Variants in SPOCK3 observed in about 807,000 individuals in gnomAD.
SPOCK3 encodes SPARC (osteonectin), cwcv and kazal like domains proteoglycan 3, also known as testican-3.
Under a neutral mutation model 56.6 loss-of-function variants are expected in SPOCK3, and 30 were observed. That is an observed-to-expected ratio of 0.53 (90% CI 0.40 to 0.72). SPOCK3 has a LOEUF of 0.72. SPOCK3 is among the 30% of genes least tolerant of loss of function. The pLI is 0.00. For missense variants in SPOCK3, 527 were observed against 530.0 expected (o/e 0.99, Z 0.06); for synonymous variants, 196 against 183.3 (o/e 1.07, Z -0.56).
chr4:166,896,993 C>T (rs112439425), intron 5 of SPOCK3, among the ~76,000 whole-genome samples: 1 of 151,962 alleles, frequency 6.6e-6, no homozygotes, highest in Non-Finnish European at 1.5e-5. Context: ...TTTTTTTCCC[C>T]CATAGCTCCA....
intron 2 of SPOCK3, among the ~76,000 whole-genome samples, chr4:167,176,866 CA>C (rs1478283371): frequency 6.6e-6 from 1 of 152,094 alleles, no homozygotes; most frequent in African/African-American, 2.4e-5. Context: ...ACGTTGCAAA[CA>C]TAGCTACTCA....
chr4:166,738,895 G>T (rs1449225854), intron 9 of SPOCK3, among the ~76,000 whole-genome samples: 1 of 151,930 alleles, frequency 6.6e-6, no homozygotes, highest in Non-Finnish European at 1.5e-5. Context: ...TTGGTTCCAA[G>T]TCTTTGCTAT....
At chr4:166,824,530 A>G (rs1431903791) in intron 6 of SPOCK3, among the ~76,000 whole-genome samples, 1 of 152,100 alleles carries the variant, frequency 6.6e-6, no homozygotes, top group African/African-American at 2.4e-5. Flanking sequence ...GCAGAACACT[A>G]AGTCTGCTGG....
intron 7 of SPOCK3, among the ~76,000 whole-genome samples, chr4:166,755,636 T>G (rs2126498290): frequency 6.6e-6 from 1 of 152,256 alleles, no homozygotes; most frequent in Non-Finnish European, 1.5e-5. Flanking sequence ...ATAACTCAGT[T>G]ATTTGCATGG....
chr4:167,107,404 T>A (rs1440310604), intron 2 of SPOCK3, among the ~76,000 whole-genome samples: 1 of 151,838 alleles, frequency 6.6e-6, no homozygotes, highest in Non-Finnish European at 1.5e-5. Context: ...AACCATATGA[T>A]CATTTCAATT....
At chr4:166,832,776 T>C (rs991748970) in intron 6 of SPOCK3, among the ~76,000 whole-genome samples, 1 of 152,170 alleles carries the variant, frequency 6.6e-6, no homozygotes, top group East Asian at 1.9e-4. Flanking sequence ...CTAGGGGCTA[T>C]TATCCTAAGC....
chr4:166,986,844 C>T (rs1015331119), intron 4 of SPOCK3, among the ~76,000 whole-genome samples: 1 of 152,090 alleles, frequency 6.6e-6, no homozygotes, highest in Non-Finnish European at 1.5e-5. Flanking sequence ...CATGCACACA[C>T]ACCAAAATGA....
At chr4:166,970,918 G>A in intron 4 of SPOCK3, among the ~76,000 whole-genome samples, 1 of 152,186 alleles carries the variant, frequency 6.6e-6, no homozygotes, top group African/African-American at 2.4e-5. Context: ...ATAAGAGACA[G>A]AGTCTTGTTA....
intron 6 of SPOCK3, among the ~76,000 whole-genome samples, chr4:166,861,713 G>A (rs575561523): frequency 2.6e-5 from 4 of 152,010 alleles, no homozygotes; most frequent in Admixed American, 6.6e-5. Context: ...ACATACTGGG[G>A]TTCCTAAGAG....
chr4:167,030,649 A>C (rs1752186728), intron 3 of SPOCK3, among the ~76,000 whole-genome samples: 1 of 152,034 alleles, frequency 6.6e-6, no homozygotes, highest in Non-Finnish European at 1.5e-5. Context: ...GGACTGGCTC[A>C]ATTTCATGGT....
chr4:166,939,081 A>G (rs997006486), intron 4 of SPOCK3, among the ~76,000 whole-genome samples: 6 of 152,176 alleles, frequency 3.9e-5, no homozygotes, highest in African/African-American at 1.4e-4. Flanking sequence ...CTATACAGTT[A>G]AATGGCATGC....
intron 2 of SPOCK3, among the ~76,000 whole-genome samples, chr4:167,228,495 T>G (rs181342648): frequency 6.6e-6 from 1 of 152,276 alleles, no homozygotes; most frequent in East Asian, 1.9e-4. Flanking sequence ...TCTGATAATG[T>G]GATACCAGCT....
chr4:166,824,812 A>T (rs1471458898), intron 6 of SPOCK3, among the ~76,000 whole-genome samples: 3 of 152,194 alleles, frequency 2.0e-5, no homozygotes, highest in African/African-American at 7.2e-5. Context: ...GAGATCATCA[A>T]TCCCATTATT....
intron 4 of SPOCK3, among the ~76,000 whole-genome samples, chr4:166,944,595 C>A (rs1741500581): frequency 1.3e-5 from 2 of 151,910 alleles, no homozygotes; most frequent in Admixed American, 1.3e-4. Flanking sequence ...CATTATAGAT[C>A]AATTACATTG....
intron 4 of SPOCK3, among the ~76,000 whole-genome samples, chr4:166,942,350 A>T (rs549226689): frequency 1.3e-5 from 2 of 152,004 alleles, no homozygotes; most frequent in South Asian, 4.2e-4. Flanking sequence ...AGCTGGGACT[A>T]CAGGAGCGCA....
intron 8 of SPOCK3, among the ~76,000 whole-genome samples, chr4:166,752,316 C>T (rs1263356692): frequency 2.6e-5 from 4 of 152,064 alleles, no homozygotes; most frequent in Non-Finnish European, 5.9e-5. Flanking sequence ...AGCAACTGTG[C>T]CCAGCTGAAA....
intron 2 of SPOCK3, among the ~76,000 whole-genome samples, chr4:167,115,906 C>T (rs1167974902): frequency 3.9e-5 from 6 of 151,980 alleles, no homozygotes; most frequent in Admixed American, 3.9e-4. Context: ...ATAAATATCT[C>T]TAAACAAACT....
intron 4 of SPOCK3, among the ~76,000 whole-genome samples, chr4:166,990,503 G>T (rs1488979303): frequency 1.3e-5 from 2 of 152,066 alleles, no homozygotes. Context: ...AAATATAGCA[G>T]AAATGACTAC....
chr4:167,172,558 T>C (rs1004555810), intron 2 of SPOCK3, among the ~76,000 whole-genome samples: 2 of 152,184 alleles, frequency 1.3e-5, no homozygotes, highest in African/African-American at 2.4e-5. Context: ...TGAAAGCATA[T>C]TTCCTAAAAT....
Sources: allele counts gnomAD v4.1 joint callset (sites outside exome capture counted in the v4.1 genomes callset), GRCh38; gene constraint gnomAD v4.1.1; transcripts MANE v1.5; gene names NCBI Gene and HGNC (gene_info 2026-07-23, HGNC 2026-07-21).